The following STPG2 variants were observed in gnomAD, a reference collection of about 807,000 sequenced individuals.
STPG2 encodes the protein sperm tail PG-rich repeat containing 2, also known as sperm-tail PG-rich repeat-containing protein 2.
Under a neutral mutation model 54.2 loss-of-function variants are expected in STPG2, and 56 were observed. That is an observed-to-expected ratio of 1.03 (90% CI 0.83 to 1.29). The LOEUF (loss-of-function observed/expected upper bound fraction) is 1.29. Among genes scored for constraint, STPG2 ranks in the 50% most tolerant of loss-of-function variants. The pLI is 0.00. For synonymous variants in STPG2, 200 were observed against 181.8 expected, an observed-to-expected ratio of 1.10 and a Z score of -0.81; for missense variants, 596 against 544.9, an observed-to-expected ratio of 1.09 and a Z score of -0.93.
At chr4:97,856,390 G>A (rs925830632) in intron 8 of STPG2, among the ~76,000 whole-genome samples, 1 of 152,132 alleles carries the variant, frequency 6.6e-6, no homozygotes, top group Non-Finnish European at 1.5e-5. Context: ...CATGTTAGCT[G>A]TATTCCTAGG....
At chr4:97,803,409 A>T (rs1171199930) in intron 9 of STPG2, among the ~76,000 whole-genome samples, 1 of 152,212 alleles carries the variant, frequency 6.6e-6, no homozygotes, top group African/African-American at 2.4e-5. Flanking sequence ...TAAAAATCCC[A>T]ATAAAACATT....
chr4:97,747,508 T>C (rs1251853819), intron 9 of STPG2, among the ~76,000 whole-genome samples: 1 of 151,426 alleles, frequency 6.6e-6, no homozygotes, highest in Non-Finnish European at 1.5e-5. Context: ...TCCTTTTACT[T>C]GAACTTTTTA....
intron 9 of STPG2, among the ~76,000 whole-genome samples, chr4:97,790,291 T>C (rs977197829): frequency 1.3e-5 from 2 of 152,162 alleles, no homozygotes; most frequent in Non-Finnish European, 2.9e-5. Context: ...AAAAATAAAA[T>C]ATTGCCAATT....
intron 8 of STPG2, among the ~76,000 whole-genome samples, chr4:97,888,374 C>G (rs1010811241): frequency 6.6e-6 from 1 of 152,164 alleles, no homozygotes; most frequent in Non-Finnish European, 1.5e-5. Context: ...GTGGAGCTGC[C>G]CAAGACCTTG....
chr4:97,530,824 C>T (rs562434532), intron 4 of STPG2, among the ~76,000 whole-genome samples: 30 of 152,252 alleles, frequency 2.0e-4, no homozygotes, highest in Admixed American at 8.5e-4. Flanking sequence ...AGAGTTTGTG[C>T]ACTTTGGGGA....
At chr4:97,785,998 A>C (rs942589881) in intron 9 of STPG2, among the ~76,000 whole-genome samples, 3 of 152,098 alleles carry the variant, frequency 2.0e-5, no homozygotes, top group African/African-American at 7.2e-5. Flanking sequence ...TTAAGAACAC[A>C]GGTGTCTAAT....
chr4:97,682,971 G>T (rs1723078048), intron 10 of STPG2, among the ~76,000 whole-genome samples: 1 of 151,828 alleles, frequency 6.6e-6, no homozygotes, highest in Admixed American at 6.6e-5. Flanking sequence ...ATGCTATGCA[G>T]TTCCAGCTAA....
chr4:97,821,461 A>G (rs1011960486), intron 9 of STPG2, among the ~76,000 whole-genome samples: 3 of 152,136 alleles, frequency 2.0e-5, no homozygotes, highest in Non-Finnish European at 4.4e-5. Context: ...TGGATCTATC[A>G]TTCTGGCATC....
At chr4:97,664,204 A>G (rs1040799802) in intron 10 of STPG2, among the ~76,000 whole-genome samples, 3 of 152,178 alleles carry the variant, frequency 2.0e-5, no homozygotes, top group Non-Finnish European at 2.9e-5. Flanking sequence ...TGTAGATGCA[A>G]TTATTACTTG....
intron 10 of STPG2, among the ~76,000 whole-genome samples, chr4:97,631,507 T>C (rs950664223): frequency 6.6e-6 from 1 of 152,106 alleles, no homozygotes; most frequent in African/African-American, 2.4e-5. Flanking sequence ...CTGATACAAA[T>C]TTTCAAGATC....
At chr4:97,623,685 T>C (rs1257128585) in intron 10 of STPG2, among the ~76,000 whole-genome samples, 2 of 152,202 alleles carry the variant, frequency 1.3e-5, no homozygotes, top group Admixed American at 1.3e-4. Context: ...GCAGGTTTGT[T>C]ACATAGGTAA....
chr4:97,672,009 C>T (rs186539595), intron 10 of STPG2, among the ~76,000 whole-genome samples: 32 of 152,096 alleles, frequency 2.1e-4, no homozygotes, highest in Admixed American at 5.9e-4. Flanking sequence ...ATTTCTGTTG[C>T]TGCTGCTTCT....
chr4:97,531,729 T>C (rs1462966406), intron 4 of STPG2, among the ~76,000 whole-genome samples: 1 of 151,996 alleles, frequency 6.6e-6, no homozygotes, highest in African/African-American at 2.4e-5. Flanking sequence ...AATGGGGGGA[T>C]TGGAGGATAT....
chr4:97,463,805 T>C (rs1460652083), intron 4 of STPG2, among the ~76,000 whole-genome samples: 1 of 152,228 alleles, frequency 6.6e-6, no homozygotes, highest in East Asian at 1.9e-4. Flanking sequence ...TGGATCAATA[T>C]TGATACGTTA....
At chr4:97,963,877 A>G (rs1733992966) in intron 7 of STPG2, among the ~76,000 whole-genome samples, 1 of 152,100 alleles carries the variant, frequency 6.6e-6, no homozygotes, top group South Asian at 2.1e-4. Flanking sequence ...GAGTACATGT[A>G]GGTATGTTAA....
intron 4 of STPG2, among the ~76,000 whole-genome samples, chr4:97,487,603 A>T (rs1488071794): frequency 6.6e-6 from 1 of 151,514 alleles, no homozygotes; most frequent in Non-Finnish European, 1.5e-5. Flanking sequence ...TCTTAAAATC[A>T]GAATATTTTT....
chr4:98,016,864 AG>A (rs1735963825), intron 5 of STPG2, among the ~76,000 whole-genome samples: 1 of 152,130 alleles, frequency 6.6e-6, no homozygotes, highest in South Asian at 2.1e-4. Context: ...GTGCATTTGA[AG>A]GAACAGGCTC....
intron 4 of STPG2, among the ~76,000 whole-genome samples, chr4:97,443,569 T>C (rs1729143362): frequency 6.6e-6 from 1 of 152,194 alleles, no homozygotes; most frequent in South Asian, 2.1e-4. Flanking sequence ...TTCCTATTAT[T>C]AGAATAAGAG....
At chr4:97,848,537 C>T (rs1267963329) in intron 8 of STPG2, among the ~76,000 whole-genome samples, 1 of 152,046 alleles carries the variant, frequency 6.6e-6, no homozygotes, top group Non-Finnish European at 1.5e-5. Flanking sequence ...ATGTTTTTTG[C>T]TGCATCGTAT....
Sources: gnomAD v4.1 joint callset for allele counts (sites outside exome capture counted in the v4.1 genomes callset) on GRCh38, gnomAD v4.1.1 for gene constraint, MANE v1.5 for transcripts, NCBI Gene and HGNC (gene_info 2026-07-23, HGNC 2026-07-21) for gene names.